The following UGT8 variants were observed in gnomAD, a reference collection of about 807,000 sequenced individuals.
UGT8 encodes 2-hydroxyacylsphingosine 1-beta-galactosyltransferase.
In UGT8, 12 loss-of-function variants were observed where a neutral mutation model predicts 40.5. The ratio of observed to expected loss-of-function variants is 0.30; its 90% CI spans 0.19 to 0.48. The LOEUF (loss-of-function observed/expected upper bound fraction) is 0.48. Among genes scored for constraint, UGT8 ranks in the 20% least tolerant of loss-of-function variants. The pLI is 0.99. For synonymous variants in UGT8, 224 were observed against 240.4 expected (o/e 0.93, Z 0.63); for missense variants, 513 against 648.7 (o/e 0.79, Z 2.27).
chr4:114,672,561 A>G (rs945291341), intron 5 of UGT8, among the ~76,000 whole-genome samples: 1 of 152,182 alleles, frequency 6.6e-6, no homozygotes, highest in African/African-American at 2.4e-5. Flanking sequence ...CACATAACAC[A>G]GGAACAGAAA....
intron 1 of UGT8, among the ~76,000 whole-genome samples, chr4:114,612,305 T>C (rs1731142053): frequency 6.6e-6 from 1 of 152,180 alleles, no homozygotes; most frequent in South Asian, 2.1e-4. Flanking sequence ...TCTTAATTTT[T>C]AATCACAGGG....
intron 2 of UGT8, among the ~76,000 whole-genome samples, chr4:114,643,454 T>C (rs888701580): frequency 2.0e-5 from 3 of 152,150 alleles, no homozygotes; most frequent in Admixed American, 2.0e-4. Context: ...GAGAAACTTA[T>C]GGGGATTAGA....
intron 2 of UGT8, among the ~76,000 whole-genome samples, chr4:114,625,241 G>A (rs913930373): frequency 2.6e-5 from 4 of 152,106 alleles, no homozygotes; most frequent in East Asian, 1.9e-4. Flanking sequence ...AGCTGGACGC[G>A]GTGTCCCATG....
intron 1 of UGT8, among the ~76,000 whole-genome samples, chr4:114,599,730 G>A (rs1730326168): frequency 6.6e-6 from 1 of 152,184 alleles, no homozygotes; most frequent in Non-Finnish European, 1.5e-5. Flanking sequence ...AGAAGGACGC[G>A]CTGCTGGCAA....
intron 1 of UGT8, among the ~76,000 whole-genome samples, chr4:114,606,493 G>C (rs1029932194): frequency 6.6e-6 from 1 of 152,174 alleles, no homozygotes; most frequent in African/African-American, 2.4e-5. Context: ...TTCTCACCAA[G>C]CCAATCTGGG....
chr4:114,660,663 C>T (rs781400106), intron 2 of UGT8, among the ~76,000 whole-genome samples: 6 of 151,948 alleles, frequency 3.9e-5, no homozygotes, highest in Non-Finnish European at 7.4e-5. Context: ...GAGGCCAAGA[C>T]GGGCAGATCA....
At chr4:114,657,878 C>T (rs1025808936) in intron 2 of UGT8, among the ~76,000 whole-genome samples, 1 of 152,268 alleles carries the variant, frequency 6.6e-6, no homozygotes, top group African/African-American at 2.4e-5. Flanking sequence ...GATGAGGAAG[C>T]TGGGCCTCAG....
At chr4:114,656,038 GA>G (rs1734168247) in intron 2 of UGT8, among the ~76,000 whole-genome samples, 1 of 152,138 alleles carries the variant, frequency 6.6e-6, no homozygotes, top group Non-Finnish European at 1.5e-5. Flanking sequence ...GAATATCACA[GA>G]AGGGATGCTA....
At chr4:114,641,619 A>G (rs1219960105) in intron 2 of UGT8, among the ~76,000 whole-genome samples, 1 of 152,198 alleles carries the variant, frequency 6.6e-6, no homozygotes, top group Non-Finnish European at 1.5e-5. Flanking sequence ...TAATCTATTG[A>G]TGATATTTAT....
At chr4:114,626,163 C>A (rs1364859134) in intron 2 of UGT8, among the ~76,000 whole-genome samples, 3 of 152,000 alleles carry the variant, frequency 2.0e-5, no homozygotes, top group Non-Finnish European at 2.9e-5. Flanking sequence ...TTCAGGTATT[C>A]CTTATTCTGG....
chr4:114,622,013 T>A lies in UGT8; in HGVS notation c.-2-866T>A, dbSNP rs552527922. On this transcript the variant is annotated intron_variant, in intron 1 of 5. Transcript: ENST00000310836. ...TACATGTGCACAATGTGCAGGTTAG[T>A]TACATATGTATACATGTGACATACT... 9.9e-5 allele frequency among the ~76,000 whole-genome samples: 15 copies of A among 152,258 alleles called. 1 individual carries two copies. In the South Asian group the frequency reaches 3.1e-3, roughly 32 times the overall value.
intron 2 of UGT8, among the ~76,000 whole-genome samples, chr4:114,625,715 ATTTTTTTCTG>A (rs1411734696): frequency 1.3e-5 from 2 of 151,814 alleles, no homozygotes; most frequent in East Asian, 3.9e-4. Flanking sequence ...CCATCCAAGC[ATTTTTTTCTG>A]TCATGGATTC....
intron 2 of UGT8, among the ~76,000 whole-genome samples, chr4:114,652,307 T>A (rs189311616): frequency 1.1e-3 from 170 of 152,002 alleles, no homozygotes; most frequent in Middle Eastern, 0.01. Context: ...CCATGTAGTG[T>A]TGATCAAAGG....
At chr4:114,626,982 A>G (rs1024946325) in intron 2 of UGT8, among the ~76,000 whole-genome samples, 3 of 152,116 alleles carry the variant, frequency 2.0e-5, no homozygotes, top group Admixed American at 6.5e-5. Context: ...GTGTAGAGTG[A>G]AGAAATTGTG....
chr4:114,650,284 A>G (rs1352274619), intron 2 of UGT8, among the ~76,000 whole-genome samples: 1 of 152,156 alleles, frequency 6.6e-6, no homozygotes, highest in African/African-American at 2.4e-5. Flanking sequence ...TGCAAATAGC[A>G]CTTATTAAAG....
At chr4:114,640,865 A>G (rs1733181055) in intron 2 of UGT8, among the ~76,000 whole-genome samples, 1 of 152,230 alleles carries the variant, frequency 6.6e-6, no homozygotes, top group African/African-American at 2.4e-5. Flanking sequence ...GGTCCTTCTC[A>G]TAACACATGA....
chr4:114,611,369 T>G (rs1731026033), intron 1 of UGT8, among the ~76,000 whole-genome samples: 1 of 145,862 alleles, frequency 6.9e-6, no homozygotes, highest in South Asian at 2.1e-4. Context: ...GAAACCCACA[T>G]CTTTTTCTGT....
chr4:114,641,393 G>C (rs1018532680), intron 2 of UGT8, among the ~76,000 whole-genome samples: 4 of 152,140 alleles, frequency 2.6e-5, no homozygotes, highest in Non-Finnish European at 5.9e-5. Context: ...ATTTGAGTTT[G>C]GTAACTGCCC....
intron 2 of UGT8, among the ~76,000 whole-genome samples, chr4:114,645,313 A>G (rs753168788): frequency 1.3e-5 from 2 of 152,148 alleles, no homozygotes; most frequent in African/African-American, 2.4e-5. Context: ...TACATGTACT[A>G]TTTCATTTTA....
Sources: allele counts gnomAD v4.1 joint callset (sites outside exome capture counted in the v4.1 genomes callset), GRCh38; gene constraint gnomAD v4.1.1; transcripts MANE v1.5; gene names NCBI Gene and HGNC (gene_info 2026-07-23, HGNC 2026-07-21).